XPO5: variants seen among roughly 807,000 people sequenced by gnomAD.
XPO5 encodes the protein exportin 5.
Under a neutral mutation model 160.6 loss-of-function variants are expected in XPO5, and 46 were observed. That is an observed-to-expected ratio of 0.29 (90% CI 0.23 to 0.37). The LOEUF is 0.37. Among genes scored for constraint, XPO5 ranks in the 10% least tolerant of loss-of-function variants. XPO5 has a pLI of 1.00. For synonymous variants in XPO5, 537 were observed against 519.3 expected (o/e 1.03, Z -0.46); for missense variants, 1,090 against 1,463.9 (o/e 0.74, Z 4.17).
intron 20 of XPO5, among the ~76,000 whole-genome samples, chr6:43,540,124 G>A (rs903197057): frequency 6.6e-6 from 1 of 151,724 alleles, no homozygotes; most frequent in Admixed American, 6.6e-5. Context: ...GCATGGTGGC[G>A]CACGCCTGTA....
intron 11 of XPO5, among the ~76,000 whole-genome samples, 159 bp from the exon 12 acceptor site, chr6:43,558,750 C>T (rs372588271): frequency 6.6e-5 from 10 of 152,334 alleles, no homozygotes; most frequent in South Asian, 6.2e-4. Flanking sequence ...CACAGGTCCA[C>T]AGTTTGCTCC....
chr6:43,539,691 C>T (rs759080810), intron 20 of XPO5: 263 of 780,132 alleles, frequency 3.4e-4, no homozygotes, highest in Admixed American at 2.0e-3. Flanking sequence ...ACTGCACCGG[C>T]GTCATCCGCC....
In XPO5 at chr6:43,562,486, T is replaced by C. The variant is rs538160066; in HGVS notation, c.912-140A>G. On this transcript the variant is annotated intron_variant, in intron 8 of 31. Coordinates refer to ENST00000265351, the MANE Select transcript of XPO5 (RefSeq NM_020750.3). ...TCCAATAGCTTTGCTAAATTAAAAA[T>C]TTTTTAAAATCTTTTTAACTTATTT... The C allele has an allele frequency of 5.8e-4, 396 of 678,360 alleles. 13 individuals are homozygous for C. The South Asian group carries it at 6.8e-3, about 12-fold the overall frequency. 42.0% of individuals were successfully genotyped at this position (678,360 alleles called of 1,614,324 possible). A position where few individuals can be genotyped will look rare whatever the true frequency, so the allele number is the denominator to read the frequency against.
intron 20 of XPO5, among the ~76,000 whole-genome samples, chr6:43,537,107 T>C (rs1363223753): frequency 1.3e-5 from 2 of 151,668 alleles, no homozygotes; most frequent in African/African-American, 4.8e-5. Context: ...GCTGGGACTA[T>C]AAGTGTGCAC....
intron 19 of XPO5, 37 bp downstream of exon 19, chr6:43,547,571 T>C (rs1242900845): frequency 1.3e-6 from 2 of 1,595,978 alleles, no homozygotes; most frequent in East Asian, 4.5e-5. Context: ...CTCCTACCCA[T>C]GGCCAATGCC....
chr6:43,573,069 C>T (rs1763091768), intron 2 of XPO5, among the ~76,000 whole-genome samples: 1 of 152,112 alleles, frequency 6.6e-6, no homozygotes, highest in African/African-American at 2.4e-5. Context: ...TACAATCCTG[C>T]TTTGGATGTA....
chr6:43,573,723 G>A (rs1763126919), intron 1 of XPO5, 122 bp from the exon 2 acceptor site: 1 of 1,230,924 alleles, frequency 8.1e-7, no homozygotes, highest in African/African-American at 1.5e-5. Flanking sequence ...CCAGCACTCT[G>A]GGAGGCTGAG....
At chr6:43,566,055 G>A (rs185737544) in intron 7 of XPO5, among the ~76,000 whole-genome samples, 249 of 152,238 alleles carry the variant, frequency 1.6e-3, no homozygotes, top group Non-Finnish European at 2.7e-3. Flanking sequence ...TCAGGAGTTC[G>A]AGACCAGCCT....
intron 20 of XPO5, chr6:43,539,766 T>C (rs563054914): frequency 1.7e-6 from 1 of 588,268 alleles, no homozygotes; most frequent in South Asian, 2.1e-5. Flanking sequence ...GTCTAAGAGA[T>C]AAATTATCTG....
At chr6:43,569,008 G>A (rs1762848793) in intron 5 of XPO5, among the ~76,000 whole-genome samples, 1 of 152,214 alleles carries the variant, frequency 6.6e-6, no homozygotes, top group Non-Finnish European at 1.5e-5. Context: ...AATACTGGAT[G>A]TTGGCCAGGC....
chr6:43,547,316 C>T, intron 19 of XPO5: 1 of 465,808 alleles, frequency 2.1e-6, no homozygotes, highest in Non-Finnish European at 4.0e-6. Context: ...GAGGACTCAC[C>T]CTGCTGACCA....
At chr6:43,544,838 T>C (rs1794886196) in intron 20 of XPO5, among the ~76,000 whole-genome samples, 1 of 152,186 alleles carries the variant, frequency 6.6e-6, no homozygotes, top group Admixed American at 6.6e-5. Flanking sequence ...CAGAGATCTC[T>C]TTCCTCCTTT....
intron 16 of XPO5, 95 bp downstream of exon 16, chr6:43,549,798 C>G: frequency 1.5e-6 from 2 of 1,351,512 alleles, no homozygotes; most frequent in Non-Finnish European, 2.1e-6. Context: ...CCTTACTACC[C>G]CCTCCCATTT....
chr6:43,563,157 C>T (rs911140645), intron 8 of XPO5, among the ~76,000 whole-genome samples: 3 of 152,110 alleles, frequency 2.0e-5, no homozygotes, highest in Non-Finnish European at 2.9e-5. Flanking sequence ...CACGATCTCG[C>T]TGTCACACCT....
At chr6:43,549,646 T>C (rs1305863902) in intron 16 of XPO5, 68 bp from the exon 17 acceptor site, 20 of 1,533,976 alleles carry the variant, frequency 1.3e-5, no homozygotes, top group Admixed American at 7.7e-5. Context: ...CATAGACTCA[T>C]GTGAATATCT....
rs143680013 is a variant in XPO5, at chr6:43,541,098, G to C, written c.2342+5473C>G. The stretch of plus-strand genomic sequence containing the variant: ...AGAGTGTAAGGATGGTTAGCAGAGG[G>C]GCTGGGGAGGGTAGTGGTGGGTTAG... On this transcript the variant is annotated intron_variant, in intron 20 of 31. Transcript: ENST00000265351. Among the ~76,000 whole-genome samples the C allele has an allele frequency of 1.2e-3, 176 of 152,246 alleles. No individual in the cohort carries two copies. In the South Asian group the frequency reaches 0.014, roughly 12 times the overall value.
chr6:43,536,646 G>A (rs932680782), intron 20 of XPO5, among the ~76,000 whole-genome samples: 1 of 149,794 alleles, frequency 6.7e-6, no homozygotes, highest in African/African-American at 2.5e-5. Flanking sequence ...GTAAATCCCA[G>A]CTACTCAGGA....
At chr6:43,525,804 A>AAGGAGTAAAGGTATCACCTGCTC in intron 28 of XPO5, 35 bp downstream of exon 28, 1 of 1,604,602 alleles carries the variant, frequency 6.2e-7, no homozygotes, top group Non-Finnish European at 8.5e-7. Flanking sequence ...CCACCTGGGC[A>AAGGAGTAAAGGTATCACCTGCTC]AGGAGTAAAG....
At chr6:43,548,182 T>A (rs1430182063) in intron 18 of XPO5, 79 bp downstream of exon 18, 1 of 1,403,106 alleles carries the variant, frequency 7.1e-7, no homozygotes, top group East Asian at 2.3e-5. Context: ...CCTTAACCCC[T>A]ACCCCACCCT....
Sources: gnomAD v4.1 joint callset for allele counts (sites outside exome capture counted in the v4.1 genomes callset) on GRCh38, gnomAD v4.1.1 for gene constraint, MANE v1.5 for transcripts, NCBI Gene and HGNC (gene_info 2026-07-23, HGNC 2026-07-21) for gene names.